CLIP1: variants seen among roughly 807,000 people sequenced by gnomAD.
CLIP1 encodes the protein CAP-Gly domain containing linker protein 1.
CLIP1 carries 66 observed loss-of-function variants against 161.6 expected under a neutral mutation model. The observed-to-expected ratio is 0.41, with a 90% CI of 0.33 to 0.50. The LOEUF is 0.50. Ranked by LOEUF, CLIP1 falls within the 20% of genes least tolerant of loss-of-function variation. The pLI, the probability that CLIP1 is intolerant of heterozygous loss-of-function variation, is 0.27. For missense variants in CLIP1, 1,376 were observed against 1,702.0 expected, an observed-to-expected ratio of 0.81 and a Z score of 3.37; for synonymous variants, 598 against 626.2, an observed-to-expected ratio of 0.96 and a Z score of 0.67.
intron 19 of CLIP1, among the ~76,000 whole-genome samples, chr12:122,315,123 G>T (rs1951211629): frequency 2.0e-5 from 3 of 152,162 alleles, no homozygotes. Flanking sequence ...AACCACACAT[G>T]TGCTAGCTTA....
intron 18 of CLIP1, among the ~76,000 whole-genome samples, chr12:122,318,620 G>T (rs1011864785): frequency 5.9e-5 from 9 of 152,152 alleles, no homozygotes; most frequent in Non-Finnish European, 8.8e-5. Flanking sequence ...AACCATTTTG[G>T]TGCCTCAGTC....
intron 5 of CLIP1, among the ~76,000 whole-genome samples, chr12:122,359,017 G>A (rs983163381): frequency 9.2e-5 from 14 of 152,132 alleles, no homozygotes; most frequent in Non-Finnish European, 1.5e-4. Flanking sequence ...CGCTGAGATC[G>A]TGCCACTGCA....
chr12:122,418,945 G>C (rs1157687202), intron 1 of CLIP1, among the ~76,000 whole-genome samples: 1 of 152,150 alleles, frequency 6.6e-6, no homozygotes, highest in Non-Finnish European at 1.5e-5. Flanking sequence ...TTAATATATA[G>C]ACAAAATTCT....
At chr12:122,393,850 TGTG>T (rs1955774878) in intron 1 of CLIP1, among the ~76,000 whole-genome samples, 1 of 138,146 alleles carries the variant, frequency 7.2e-6, no homozygotes, top group Admixed American at 8.8e-5. Flanking sequence ...AGGCAGAAGT[TGTG>T]GTTAGCTGAG....
At chr12:122,276,538 T>C (rs1178237329) in intron 24 of CLIP1, 1 of 1,232,118 alleles carries the variant, frequency 8.1e-7, no homozygotes, top group Non-Finnish European at 1.1e-6. Flanking sequence ...TTAAGCCCAG[T>C]AGACATACAA....
intron 1 of CLIP1, among the ~76,000 whole-genome samples, chr12:122,392,249 C>CAAT (rs1166962514): frequency 1.3e-5 from 2 of 152,082 alleles, no homozygotes; most frequent in Non-Finnish European, 2.9e-5. Context: ...CCAGCCTGGG[C>CAAT]AATAGAACGA....
chr12:122,331,458 G>T (rs1176071840), intron 15 of CLIP1, among the ~76,000 whole-genome samples: 2 of 151,732 alleles, frequency 1.3e-5, no homozygotes, highest in East Asian at 3.9e-4. Context: ...GAGATTACGG[G>T]TGCACACCAC....
rs1315803164 is a variant in CLIP1, at chr12:122,327,878, G to C, written c.3249+69C>G. Reference sequence around the variant, plus strand: ...TTTCCCACTGGCTGCTGCTTTCTAAGCACCCTTCCTGCCTCGACACAGAGC... The same window carrying C: ...TTTCCCACTGGCTGCTGCTTTCTAACCACCCTTCCTGCCTCGACACAGAGC... On this transcript the variant is annotated intron_variant, in intron 17 of 25. Transcript: ENST00000620786. The C allele has an allele frequency of 1.6e-5, 24 of 1,459,710 alleles. No homozygotes were observed. In the East Asian group the frequency reaches 5.4e-4, roughly 33 times the overall value. 90.4% of individuals were successfully genotyped at this position (1,459,710 alleles called of 1,614,324 possible). A position where few individuals can be genotyped will look rare whatever the true frequency, so the allele number is the denominator to read the frequency against.
At chr12:122,419,104 C>T (rs1208510599) in intron 1 of CLIP1, among the ~76,000 whole-genome samples, 1 of 152,152 alleles carries the variant, frequency 6.6e-6, no homozygotes, top group African/African-American at 2.4e-5. Flanking sequence ...GGCACGGTGG[C>T]TCACACCTGT....
At chr12:122,287,014 A>G (rs1955885265) in intron 21 of CLIP1, among the ~76,000 whole-genome samples, 1 of 151,704 alleles carries the variant, frequency 6.6e-6, no homozygotes, top group Admixed American at 6.6e-5. Flanking sequence ...CAAACAAACA[A>G]ACAAAAAATT....
At position 122,355,439 on chromosome 12, in the gene CLIP1, G is replaced by A; in HGVS notation, c.1006-127C>T. The A allele has an allele frequency of 3.9e-6, 3 of 760,198 alleles. No homozygotes were observed. Among genetic ancestry groups the A allele is most frequent in the South Asian group, 3.5e-5 (2 of 56,412 alleles). The allele number at this position is 760,198 out of a possible 1,614,324, so 47.1% of individuals were successfully genotyped here. ...GCTGCTCCAGCTGGCAGGCTGGCCAGGATTAGGAAAGGCTTCCTCAAAAAC... is the reference window on the plus strand; with the variant it reads ...GCTGCTCCAGCTGGCAGGCTGGCCAAGATTAGGAAAGGCTTCCTCAAAAAC... On this transcript the variant is annotated intron_variant, in intron 5 of 25. Coordinates refer to ENST00000620786, the MANE Select transcript of CLIP1 (RefSeq NM_001247997.2). The surrounding 1 kb of genome is among the most constrained non-coding windows in gnomAD (Gnocchi z 4.1).
At chr12:122,341,932 C>A (rs752569779) in intron 10 of CLIP1, 2 of 288,892 alleles carry the variant, frequency 6.9e-6, no homozygotes, top group Non-Finnish European at 1.3e-5. Context: ...TACAGGCATG[C>A]GCCACCACAC....
At position 122,333,215 on chromosome 12, in the gene CLIP1, C is replaced by T; in HGVS notation, c.2711-72G>A. 4.4e-6 allele frequency: 5 copies of T among 1,138,558 alleles called. No individual in the cohort carries two copies. In the South Asian group the frequency reaches 5.8e-5, roughly 13 times the overall value. The allele number at this position is 1,138,558 out of a possible 1,614,324, so 70.5% of individuals were successfully genotyped here. A position where few individuals can be genotyped will look rare whatever the true frequency, so the allele number is the denominator to read the frequency against. ...CAAAAACTGACTGAGTGTATTCTTG[C>T]TCTGGTAATATTTTCACACAGCAAT... On this transcript the variant is annotated intron_variant, in intron 14 of 25. Transcript: ENST00000620786.
At chr12:122,306,682 G>A (rs1950886531) in intron 20 of CLIP1, among the ~76,000 whole-genome samples, 1 of 152,110 alleles carries the variant, frequency 6.6e-6, no homozygotes, top group Non-Finnish European at 1.5e-5. Flanking sequence ...AAGTGAGAAA[G>A]GAGACAAGAA....
chr12:122,347,583 G>T, intron 9 of CLIP1, 104 bp from the exon 10 acceptor site: 1 of 816,254 alleles, frequency 1.2e-6, no homozygotes, highest in Non-Finnish European at 2.1e-6. Context: ...AGTACCTTCT[G>T]CCAAAGGGTG....
At chr12:122,292,534 A>G (rs934631061) in intron 20 of CLIP1, among the ~76,000 whole-genome samples, 1 of 152,138 alleles carries the variant, frequency 6.6e-6, no homozygotes, top group Non-Finnish European at 1.5e-5. Context: ...TTTCCGTCCC[A>G]GCCCTGGCAT....
Position 122,382,962 on chromosome 12 carries a change from C to T in CLIP1, c.-106-2404G>A, listed in dbSNP as rs369431690. Among the ~76,000 whole-genome samples the T allele has an allele frequency of 8.5e-5, 13 of 152,262 alleles. No individual in the cohort carries two copies. In the South Asian group the frequency reaches 2.3e-3, roughly 27 times the overall value. On this transcript the variant is annotated intron_variant, in intron 1 of 25. Coordinates refer to ENST00000620786, the MANE Select transcript of CLIP1 (RefSeq NM_001247997.2). ...TGAAACCACCTGCTTTACTGTCAGA[C>T]TCTCACCACACAGCTTGCAAGTTTC... is the stretch of plus-strand genomic sequence containing the variant.
Position 122,377,540 on chromosome 12 carries a change from T to C in CLIP1, c.506A>G (p.Gln169Arg). The change falls in exon 3 of 26, where the codon CAG (glutamine) becomes CGG (arginine). Residue 169 changes from glutamine to arginine, a missense_variant. Coordinates refer to ENST00000620786, the MANE Select transcript of CLIP1 (RefSeq NM_001247997.2). The part of the protein sequence containing the change: ...SSPSTPSNIP[Q>R]KPSQPAAKEP... Reference sequence around the variant, plus strand: ...CTTTGCTGCTGGCTGTGATGGTTTCTGAGGGATGTTTGAAGGGGTGGAGGG... The same window carrying C: ...CTTTGCTGCTGGCTGTGATGGTTTCCGAGGGATGTTTGAAGGGGTGGAGGG... The C allele has an allele frequency of 6.2e-7, 1 of 1,614,044 alleles. No individual in the cohort carries two copies. Among genetic ancestry groups the C allele is most frequent in the Non-Finnish European group, 8.5e-7 (1 of 1,180,026 alleles).
chr12:122,420,590 G>A (rs920672322), intron 1 of CLIP1, among the ~76,000 whole-genome samples: 4 of 152,082 alleles, frequency 2.6e-5, no homozygotes, highest in African/African-American at 9.7e-5. Flanking sequence ...CTTAAAAATC[G>A]GGCACAAGCC....
Sources: allele counts gnomAD v4.1 joint callset (sites outside exome capture counted in the v4.1 genomes callset), GRCh38; gene constraint gnomAD v4.1.1; non-coding constraint Gnocchi (gnomAD v3.1); transcripts MANE v1.5; gene names NCBI Gene and HGNC (gene_info 2026-07-23, HGNC 2026-07-21).